The following APP variants were observed in gnomAD, a reference collection of about 807,000 sequenced individuals.
APP encodes amyloid-beta precursor protein.
In APP, 31 loss-of-function variants were observed where a neutral mutation model predicts 101.4. The ratio of observed to expected loss-of-function variants is 0.31; its 90% confidence interval spans 0.23 to 0.41. The LOEUF (loss-of-function observed/expected upper bound fraction) is 0.41. Ranked by LOEUF, APP falls within the 10% of genes least tolerant of loss-of-function variation. APP has a pLI of 1.00. For missense variants in APP, 839 were observed against 1,003.7 expected (o/e 0.84, Z 2.22); for synonymous variants, 366 against 364.4 (o/e 1.00, Z -0.05).
intron 9 of APP, among the ~76,000 whole-genome samples, 198 bp downstream of exon 9, chr21:25,982,146 C>T (rs577906308): frequency 2.6e-5 from 4 of 152,290 alleles, no homozygotes; most frequent in African/African-American, 9.6e-5. Flanking sequence ...CCAACTATAC[C>T]TGGATCCTTC....
intron 11 of APP, among the ~76,000 whole-genome samples, chr21:25,974,471 G>A (rs535645540): frequency 6.6e-6 from 1 of 152,018 alleles, no homozygotes; most frequent in Admixed American, 6.5e-5. Context: ...TATAAAAGAG[G>A]GCCCAGAGAG....
intron 14 of APP, among the ~76,000 whole-genome samples, chr21:25,910,760 CTTAAAT>C (rs1569042877): frequency 6.6e-6 from 1 of 152,152 alleles, no homozygotes; most frequent in African/African-American, 2.4e-5. Context: ...TGGCAGCTGC[CTTAAAT>C]TTAATTTTCT....
intron 2 of APP, among the ~76,000 whole-genome samples, chr21:26,094,972 A>C (rs2061909065): frequency 6.6e-6 from 1 of 152,030 alleles, no homozygotes; most frequent in Non-Finnish European, 1.5e-5. Context: ...CAGCCTCCTG[A>C]GTAGCTGGGA....
At chr21:25,965,817 A>G (rs2041775758) in intron 11 of APP, among the ~76,000 whole-genome samples, 1 of 152,248 alleles carries the variant, frequency 6.6e-6, no homozygotes, top group African/African-American at 2.4e-5. Flanking sequence ...CTAAATATTT[A>G]TATTTTCATA....
intron 3 of APP, among the ~76,000 whole-genome samples, chr21:26,062,230 A>ACACACACACACACAC (rs57087990): frequency 1.1e-4 from 16 of 145,152 alleles, no homozygotes; most frequent in African/African-American, 3.8e-4. Context: ...CAAACAAACA[A>ACACACACACACACAC]ACACACACAC....
intron 11 of APP, among the ~76,000 whole-genome samples, chr21:25,960,065 C>A (rs1287422621): frequency 6.6e-6 from 1 of 151,532 alleles, no homozygotes; most frequent in Non-Finnish European, 1.5e-5. Flanking sequence ...ATTTTTGTAA[C>A]CTTTTACAGG....
chr21:25,958,496 C>A (rs887664317), intron 11 of APP, among the ~76,000 whole-genome samples: 3 of 152,144 alleles, frequency 2.0e-5, no homozygotes, highest in Non-Finnish European at 4.4e-5. Context: ...CCAGGATGGT[C>A]TCCATCTCCT....
chr21:26,009,184 T>C lies in APP; in HGVS notation c.866-9002A>G, dbSNP rs554955500. On this transcript the variant is annotated intron_variant, in intron 6 of 17. Coordinates refer to ENST00000346798, the MANE Select transcript of APP (RefSeq NM_000484.4). ...TAGTTAGGGAAGAATTAGTAAAAGT[T>C]GCATAGGTTTTGGCTTATTAAAAGA... is the stretch of plus-strand genomic sequence containing the variant. Among the ~76,000 whole-genome samples the C allele has an allele frequency of 2.3e-3, 348 of 152,356 alleles. 1 individual carries two copies. Among genetic ancestry groups the C allele is most frequent in the African/African-American group, 7.7e-3 (319 of 41,582 alleles).
intron 2 of APP, among the ~76,000 whole-genome samples, chr21:26,095,690 G>A (rs567637138): frequency 3.9e-5 from 6 of 152,218 alleles, no homozygotes; most frequent in Non-Finnish European, 5.9e-5. Flanking sequence ...TGTAAGTATC[G>A]GTTCAATGTT....
rs1384359006 is a variant in APP, at chr21:25,887,849, T to G, written c.2211+3873A>C. On this transcript the variant is annotated intron_variant, in intron 17 of 17. Transcript: ENST00000346798. ...CATCTAGATTTATGTACATGTACTT[T>G]ATGATGTTTGCACAGCGATCAAACC... 2.0e-5 allele frequency among the ~76,000 whole-genome samples: 3 copies of G among 152,238 alleles called. No homozygotes were observed. The South Asian group carries it at 6.2e-4, about 32-fold the overall frequency.
At chr21:26,054,643 T>TC (rs1362666278) in intron 3 of APP, among the ~76,000 whole-genome samples, 2 of 135,932 alleles carry the variant, frequency 1.5e-5, no homozygotes, top group East Asian at 4.6e-4. Context: ...TTTTTTTTTT[T>TC]TTAAGATAGA....
chr21:25,958,019 A>C (rs1356466514), intron 11 of APP, among the ~76,000 whole-genome samples: 3 of 152,172 alleles, frequency 2.0e-5, no homozygotes, highest in Non-Finnish European at 4.4e-5. Context: ...AAACAAAAAC[A>C]GTAAGAATTG....
intron 3 of APP, chr21:26,089,729 G>A (rs2146110924): frequency 1.8e-6 from 1 of 547,244 alleles, no homozygotes; most frequent in South Asian, 2.5e-5. Context: ...TATACACCCT[G>A]GGTAAATTCA....
chr21:26,001,397 C>T lies in APP; in HGVS notation c.866-1215G>A, dbSNP rs45466897. Among the ~76,000 whole-genome samples the T allele has an allele frequency of 2.0e-5, 3 of 152,332 alleles. No individual in the cohort carries two copies. In the East Asian group the frequency reaches 5.8e-4, roughly 29 times the overall value. On this transcript the variant is annotated intron_variant, in intron 6 of 17. Transcript: ENST00000346798. ...TTGTGCCCTGCCCTTGCTAGACTGA[C>T]GCCTTAGCACACACAGATGTCTTCT...
chr21:26,105,668 A>G (rs1327080008), intron 2 of APP, among the ~76,000 whole-genome samples: 1 of 152,204 alleles, frequency 6.6e-6, no homozygotes, highest in Non-Finnish European at 1.5e-5. Flanking sequence ...ATCCTGAAAT[A>G]TCTATAAAGA....
chr21:26,068,772 A>G (rs1235383048), intron 3 of APP, among the ~76,000 whole-genome samples: 3 of 131,260 alleles, frequency 2.3e-5, no homozygotes, highest in African/African-American at 1.1e-4. Flanking sequence ...TTCTGATTAT[A>G]AAGTAAGGCT....
intron 11 of APP, 134 bp downstream of exon 11, chr21:25,974,936 G>T: frequency 7.5e-7 from 1 of 1,333,622 alleles, no homozygotes; most frequent in Non-Finnish European, 1.0e-6. Flanking sequence ...GGAATGGACA[G>T]GGGTTGAACC....
chr21:26,131,680 C>A (rs544986634), intron 1 of APP, among the ~76,000 whole-genome samples: 15 of 152,342 alleles, frequency 9.8e-5, no homozygotes, highest in Admixed American at 6.5e-4. Flanking sequence ...TTACTGACAA[C>A]TGACTTGAAC....
rs199527632 is a variant in APP, at chr21:26,170,644, G to C, written c.-24C>G. 1.2e-5 allele frequency: 19 copies of C among 1,528,646 alleles called. No homozygotes were observed. The highest frequency in any genetic ancestry group is 1.7e-5 in the Non-Finnish European group (19 of 1,143,052). 94.7% of individuals were successfully genotyped at this position (1,528,646 alleles called of 1,614,324 possible). ...ATCGCGACCCTGCGCGGGGCACCGA[G>C]TGCGCTGCTGTGCGAGTGGGATCCG... On this transcript the variant is annotated 5_prime_UTR_variant, in exon 1 of 18. Transcript: ENST00000346798.
Sources: gnomAD v4.1 joint callset for allele counts (sites outside exome capture counted in the v4.1 genomes callset) on GRCh38, gnomAD v4.1.1 for gene constraint, MANE v1.5 for transcripts, NCBI Gene and HGNC (gene_info 2026-07-23, HGNC 2026-07-21) for gene names.